NCKAP5: variants seen among roughly 807,000 people sequenced by gnomAD.
NCKAP5 encodes NCK associated protein 5.
NCKAP5 carries 92 observed loss-of-function variants against 167.0 expected under a neutral mutation model. That is an observed-to-expected ratio of 0.55 (90% confidence interval 0.47 to 0.66). The LOEUF (loss-of-function observed/expected upper bound fraction) is 0.66. Among genes scored for constraint, NCKAP5 ranks in the 30% least tolerant of loss-of-function variants. NCKAP5 has a pLI of 0.00. For synonymous variants in NCKAP5, 891 were observed against 877.4 expected, an observed-to-expected ratio of 1.02 and a Z score of -0.27; for missense variants, 2,378 against 2,315.0, an observed-to-expected ratio of 1.03 and a Z score of -0.56.
chr2:133,567,865 T>C (rs1171271846), intron 1 of NCKAP5, among the ~76,000 whole-genome samples: 2 of 152,208 alleles, frequency 1.3e-5, no homozygotes, highest in Non-Finnish European at 2.9e-5. Context: ...CTAAACTTTC[T>C]AGATCAGCCT....
chr2:132,764,187 C>G (rs1681253391), intron 16 of NCKAP5, among the ~76,000 whole-genome samples: 4 of 152,138 alleles, frequency 2.6e-5, no homozygotes, highest in Admixed American at 2.6e-4. Flanking sequence ...AAGGAGCAAG[C>G]TGACAGTAAA....
chr2:133,352,858 A>T (rs538254661), intron 3 of NCKAP5, among the ~76,000 whole-genome samples: 1 of 152,332 alleles, frequency 6.6e-6, no homozygotes. Flanking sequence ...CCCATTGTCA[A>T]TTTGAATGAA....
intron 3 of NCKAP5, among the ~76,000 whole-genome samples, chr2:133,338,649 T>G (rs112106944): frequency 1.3e-5 from 2 of 152,224 alleles, no homozygotes; most frequent in Non-Finnish European, 2.9e-5. Context: ...TTTTCTGTTT[T>G]AGTCCGAAAA....
At chr2:132,688,288 T>A (rs1481246173) in intron 19 of NCKAP5, among the ~76,000 whole-genome samples, 1 of 152,154 alleles carries the variant, frequency 6.6e-6, no homozygotes, top group African/African-American at 2.4e-5. Context: ...TGCCTCCCAA[T>A]GAATGTTGTA....
At chr2:133,490,713 G>A (rs192178844) in intron 3 of NCKAP5, among the ~76,000 whole-genome samples, 129 of 152,308 alleles carry the variant, frequency 8.5e-4, no homozygotes, top group African/African-American at 2.9e-3. Context: ...GGCAATCACT[G>A]AGCACACACC....
At chr2:133,465,853 GTTGT>G (rs1175314134) in intron 3 of NCKAP5, among the ~76,000 whole-genome samples, 8 of 146,546 alleles carry the variant, frequency 5.5e-5, no homozygotes, top group African/African-American at 1.0e-4. Context: ...TTTTGATGGG[GTTGT>G]TTGTTTTTTT....
intron 6 of NCKAP5, among the ~76,000 whole-genome samples, chr2:133,097,017 C>G (rs576208815): frequency 5.3e-5 from 8 of 152,294 alleles, no homozygotes; most frequent in South Asian, 2.1e-4. Context: ...TGCAGTAATA[C>G]AAATCTAGCT....
At chr2:133,141,606 C>G (rs551835257) in intron 5 of NCKAP5, among the ~76,000 whole-genome samples, 1 of 152,128 alleles carries the variant, frequency 6.6e-6, no homozygotes. Context: ...ACTACTGAAG[C>G]TTTTGTTTTA....
intron 5 of NCKAP5, among the ~76,000 whole-genome samples, chr2:133,187,683 C>G (rs2085007415): frequency 6.6e-6 from 1 of 152,122 alleles, no homozygotes; most frequent in South Asian, 2.1e-4. Flanking sequence ...TCAATTTTCC[C>G]AAATTGATAT....
rs77467477 is a variant in NCKAP5, at chr2:133,538,680, A to G, written c.-62+20370T>C. On this transcript the variant is annotated intron_variant, in intron 2 of 19. Transcript: ENST00000409261. ...ATACATCAGGCACCAAAAGCTTTCC[A>G]TAAATGTTGGGAGACAAAGGCCAGC... 1.6e-3 allele frequency among the ~76,000 whole-genome samples: 239 copies of G among 152,292 alleles called. 11 individuals are homozygous for G. The East Asian group carries it at 0.039, about 25-fold the overall frequency.
At chr2:132,703,251 A>C (rs1688048421) in intron 19 of NCKAP5, among the ~76,000 whole-genome samples, 1 of 152,254 alleles carries the variant, frequency 6.6e-6, no homozygotes, top group Non-Finnish European at 1.5e-5. Context: ...AAAATTTAAA[A>C]ATAAATGACA....
At position 133,396,369 on chromosome 2, in the gene NCKAP5, C is replaced by T. The variant is rs564420635; in HGVS notation, c.70-93259G>A. ...CTGAACTCAGCTCGTTTTCACCAAA[C>T]AAGAATGACTTATCCTACACTCACT... On this transcript the variant is annotated intron_variant, in intron 3 of 19. Transcript: ENST00000409261. Among the ~76,000 whole-genome samples, 240 of 152,206 alleles carry T rather than the reference C, an allele frequency of 1.6e-3. 1 individual carries two copies. The highest frequency in any genetic ancestry group is 3.4e-3 in the Middle Eastern group (1 of 294).
chr2:132,905,131 C>T (rs907224561), intron 8 of NCKAP5, among the ~76,000 whole-genome samples: 3 of 151,960 alleles, frequency 2.0e-5, no homozygotes, highest in Non-Finnish European at 2.9e-5. Context: ...CTCTTTAATC[C>T]ACATAGGATT....
chr2:132,756,169 C>T (rs1241373944), intron 16 of NCKAP5, among the ~76,000 whole-genome samples: 1 of 152,100 alleles, frequency 6.6e-6, no homozygotes, highest in Admixed American at 6.5e-5. Flanking sequence ...AAACTTGAGG[C>T]AAATACATGC....
At chr2:133,513,034 T>TC (rs1683634375) in intron 3 of NCKAP5, among the ~76,000 whole-genome samples, 1 of 152,200 alleles carries the variant, frequency 6.6e-6, no homozygotes, top group East Asian at 1.9e-4. Context: ...AGGAAGCCTA[T>TC]CCCCCTGTAT....
At chr2:133,045,791 A>G (rs2079378934) in intron 6 of NCKAP5, among the ~76,000 whole-genome samples, 1 of 152,198 alleles carries the variant, frequency 6.6e-6, no homozygotes, top group Non-Finnish European at 1.5e-5. Flanking sequence ...ATCTTATTGC[A>G]CTGGACTCAC....
At chr2:133,579,448 C>T in the NCKAP5 span, among the ~76,000 whole-genome samples, 1 of 152,164 alleles carries the variant, frequency 6.6e-6, no homozygotes, top group Non-Finnish European at 1.5e-5. Flanking sequence ...AAGAGTGAAT[C>T]ACAGCAGAGA....
chr2:133,669,602 T>C, the NCKAP5 span, among the ~76,000 whole-genome samples: 1 of 152,200 alleles, frequency 6.6e-6, no homozygotes, highest in Non-Finnish European at 1.5e-5. Flanking sequence ...AAAAAGTCAC[T>C]ACTATTACCA....
At chr2:133,022,345 C>T (rs934601548) in intron 6 of NCKAP5, among the ~76,000 whole-genome samples, 5 of 152,178 alleles carry the variant, frequency 3.3e-5, no homozygotes, top group African/African-American at 7.2e-5. Flanking sequence ...GAAGGCTGCT[C>T]ATTATAGAAC....
Sources: gnomAD v4.1 joint callset for allele counts (sites outside exome capture counted in the v4.1 genomes callset) on GRCh38, gnomAD v4.1.1 for gene constraint, MANE v1.5 for transcripts, NCBI Gene and HGNC (gene_info 2026-07-23, HGNC 2026-07-21) for gene names.